Variants in PPP1R9A observed in about 807,000 individuals in gnomAD.
PPP1R9A encodes the protein protein phosphatase 1 regulatory subunit 9A.
Under a neutral mutation model 141.9 loss-of-function variants are expected in PPP1R9A, and 59 were observed. That is an observed-to-expected ratio of 0.42 (90% CI 0.34 to 0.52). The LOEUF (loss-of-function observed/expected upper bound fraction) is 0.52. Among genes scored for constraint, PPP1R9A ranks in the 20% least tolerant of loss-of-function variants. The probability of loss-of-function intolerance (pLI) is 0.10; values close to 1 mark genes in which losing one functional copy is unlikely to be tolerated. For synonymous variants in PPP1R9A, 500 were observed against 569.7 expected, an observed-to-expected ratio of 0.88 and a Z score of 1.74; for missense variants, 1,444 against 1,611.9, an observed-to-expected ratio of 0.90 and a Z score of 1.78.
intron 2 of PPP1R9A, among the ~76,000 whole-genome samples, chr7:95,001,353 G>C (rs1802894338): frequency 1.3e-5 from 2 of 152,112 alleles, no homozygotes; most frequent in Admixed American, 6.6e-5. Context: ...AAAAGTTGAA[G>C]CTTTTCAATG....
Position 95,258,184 on chromosome 7 carries a change from T to G in PPP1R9A, c.2665+6054T>G, listed in dbSNP as rs371830013. On this transcript the variant is annotated intron_variant, in intron 12 of 19. Coordinates refer to ENST00000433360, the MANE Select transcript of PPP1R9A (RefSeq NM_001166160.2). ...CACATCCTCTCCAGCACCTGTTGTT[T>G]CCTGACTTTTTAATGATCACCATTC... Among the ~76,000 whole-genome samples, 128 of 152,200 alleles carry G rather than the reference T, an allele frequency of 8.4e-4. 3 individuals are homozygous for G. In the East Asian group the frequency reaches 0.018, roughly 22 times the overall value.
chr7:95,203,699 A>G lies in PPP1R9A; in HGVS notation c.1925A>G (p.Asn642Ser). The G allele has an allele frequency of 3.9e-6, 6 of 1,536,476 alleles. No individual in the cohort carries two copies. The highest frequency in any genetic ancestry group is 5.2e-6 in the Non-Finnish European group (6 of 1,146,410). ...GCTGAATTGCAAGGAATGTCTGGCA[A>G]CTGCAATAACAATAACAACTATTTT... Reference protein sequence around the residue: ...TVAELQGMSGNCNNNNNYFLK... With the variant: ...TVAELQGMSGSCNNNNNYFLK... Residue 642 changes from asparagine (N) to serine (S), a missense_variant, in exon 7 of 20, where the codon AAC becomes AGC. Around this residue, in one of 5 missense-constraint regions of PPP1R9A, gnomAD observed 488 missense variants for 542.0 expected, o/e 0.90. Transcript: ENST00000433360.
chr7:95,196,070 C>A (rs1259447494), intron 5 of PPP1R9A, among the ~76,000 whole-genome samples: 1 of 148,994 alleles, frequency 6.7e-6, no homozygotes, highest in Non-Finnish European at 1.5e-5. Flanking sequence ...TACACACATA[C>A]GTGTGTGTGT....
chr7:95,286,360 CA>C, intron 18 of PPP1R9A, 35 bp downstream of exon 18: 1 of 1,607,080 alleles, frequency 6.2e-7, no homozygotes, highest in Non-Finnish European at 8.5e-7. Context: ...GCTGCTTTGT[CA>C]AATCTGACGT....
chr7:95,200,877 G>A (rs867975744), intron 6 of PPP1R9A, among the ~76,000 whole-genome samples: 3 of 152,134 alleles, frequency 2.0e-5, no homozygotes, highest in African/African-American at 7.2e-5. Flanking sequence ...CAGCAACTGA[G>A]GTTTTTTTCT....
At chr7:95,006,448 T>C (rs1175108231) in intron 2 of PPP1R9A, among the ~76,000 whole-genome samples, 3 of 151,754 alleles carry the variant, frequency 2.0e-5, no homozygotes, top group Non-Finnish European at 4.4e-5. Context: ...CGAACTCAGG[T>C]GATTCACCTG....
At position 95,278,627 on chromosome 7, in the gene PPP1R9A, A is replaced by G. The variant is rs79477936; in HGVS notation, c.3296+4459A>G. Among the ~76,000 whole-genome samples, 140 of 152,316 alleles carry G rather than the reference A, an allele frequency of 9.2e-4. 1 individual carries two copies. In the East Asian group the frequency reaches 0.027, roughly 29 times the overall value. ...ATATTCTACTCCTCGTTATTCCAAA[A>G]TAATTTGTTTACATACAAAAGTACA... On this transcript the variant is annotated intron_variant, in intron 16 of 19. Coordinates refer to ENST00000433360, the MANE Select transcript of PPP1R9A (RefSeq NM_001166160.2).
At chr7:94,952,531 A>G (rs1044684319) in intron 2 of PPP1R9A, among the ~76,000 whole-genome samples, 2 of 152,200 alleles carry the variant, frequency 1.3e-5, no homozygotes, top group African/African-American at 4.8e-5. Context: ...GAATTGCCAC[A>G]CTGTCTTCCA....
At chr7:95,142,455 TC>T (rs1184265472) in intron 4 of PPP1R9A, among the ~76,000 whole-genome samples, 4 of 152,128 alleles carry the variant, frequency 2.6e-5, no homozygotes, top group African/African-American at 9.6e-5. Context: ...TACTCGTTCA[TC>T]TTCCTCTAAG....
intron 4 of PPP1R9A, among the ~76,000 whole-genome samples, chr7:95,132,467 A>G (rs1276964095): frequency 6.6e-6 from 1 of 152,072 alleles, no homozygotes; most frequent in Non-Finnish European, 1.5e-5. Flanking sequence ...AATTATGTTT[A>G]TGTGGTGAAT....
chr7:95,208,968 A>AAAAAAAC lies in PPP1R9A; in HGVS notation c.1956+5244_1956+5245insCAAAAAA, dbSNP rs1554562131. 3.4e-3 allele frequency among the ~76,000 whole-genome samples: 501 copies of AAAAAAAC among 148,460 alleles called. 3 individuals are homozygous for AAAAAAAC. The highest frequency in any genetic ancestry group is 0.011 in the African/African-American group (467 of 40,716). ...AATATAGCAAAACTAAAAAAAAAAA[A>AAAAAAAC]AAAAAAAAAACTCTGATAAAATTCA... On this transcript the variant is annotated intron_variant, in intron 7 of 19. Transcript: ENST00000433360.
At chr7:95,021,460 A>G (rs1234990548) in intron 2 of PPP1R9A, among the ~76,000 whole-genome samples, 1 of 152,030 alleles carries the variant, frequency 6.6e-6, no homozygotes, top group Non-Finnish European at 1.5e-5. Flanking sequence ...TGCTTTGAAG[A>G]AGCTCTAGTT....
chr7:95,068,393 C>T (rs1813260186), intron 2 of PPP1R9A, among the ~76,000 whole-genome samples: 1 of 132,422 alleles, frequency 7.6e-6, no homozygotes, highest in Non-Finnish European at 1.6e-5. Flanking sequence ...TTGCTTGAAC[C>T]TGGGAGGTGG....
chr7:95,080,543 T>C (rs894100128), intron 2 of PPP1R9A, among the ~76,000 whole-genome samples: 1 of 151,950 alleles, frequency 6.6e-6, no homozygotes, highest in Non-Finnish European at 1.5e-5. Flanking sequence ...CAATGCCATC[T>C]CCATCAAACT....
chr7:94,908,136 T>TC (rs1286341783), intron 1 of PPP1R9A: 3 of 146,170 alleles, frequency 2.1e-5, no homozygotes, highest in Non-Finnish European at 4.5e-5. Context: ...GCGCTCCCGC[T>TC]CGGGTAAGGG....
intron 2 of PPP1R9A, among the ~76,000 whole-genome samples, chr7:95,107,504 T>C (rs1819710479): frequency 6.6e-6 from 1 of 152,156 alleles, no homozygotes; most frequent in South Asian, 2.1e-4. Flanking sequence ...GCACTTTTTA[T>C]ATATGTATAT....
intron 3 of PPP1R9A, among the ~76,000 whole-genome samples, chr7:95,117,028 A>G (rs981501533): frequency 1.3e-5 from 2 of 152,222 alleles, no homozygotes; most frequent in Non-Finnish European, 2.9e-5. Context: ...AAATAATAAC[A>G]TATTAAAGAT....
intron 2 of PPP1R9A, among the ~76,000 whole-genome samples, chr7:95,031,708 A>T (rs531570769): frequency 6.6e-6 from 1 of 150,996 alleles, no homozygotes; most frequent in Admixed American, 6.6e-5. Context: ...GTGAGCTAAG[A>T]TTGCATCACT....
At chr7:95,004,260 CT>C (rs1462222217) in intron 2 of PPP1R9A, among the ~76,000 whole-genome samples, 5 of 151,742 alleles carry the variant, frequency 3.3e-5, no homozygotes, top group Admixed American at 3.3e-4. Context: ...TTCCTTTGTG[CT>C]TTTTTGCTAA....
Sources: allele counts gnomAD v4.1 joint callset (sites outside exome capture counted in the v4.1 genomes callset), GRCh38; gene constraint gnomAD v4.1.1; regional missense constraint gnomAD v4.1.1; transcripts MANE v1.5; gene names NCBI Gene and HGNC (gene_info 2026-07-23, HGNC 2026-07-21).